Variants in PTPRZ1 observed in about 807,000 individuals in gnomAD.
PTPRZ1 encodes the protein receptor-type tyrosine-protein phosphatase zeta.
Under a neutral mutation model 214.1 loss-of-function variants are expected in PTPRZ1, and 82 were observed. That is an observed-to-expected ratio of 0.38 (90% confidence interval 0.32 to 0.46). The LOEUF (loss-of-function observed/expected upper bound fraction) is 0.46, where lower values mean the gene tolerates loss of function less well. PTPRZ1 is among the 20% of genes least tolerant of loss of function. The pLI is 1.00. For synonymous variants in PTPRZ1, 945 were observed against 987.9 expected (o/e 0.96, Z 0.81); for missense variants, 2,603 against 2,748.7 (o/e 0.95, Z 1.19).
chr7:121,920,869 T>A (rs1327819954), intron 1 of PTPRZ1, among the ~76,000 whole-genome samples: 2 of 152,118 alleles, frequency 1.3e-5, no homozygotes, highest in Non-Finnish European at 2.9e-5. Flanking sequence ...ATAATATTTA[T>A]TAAATTGAGA....
intron 8 of PTPRZ1, 93 bp downstream of exon 8, chr7:121,984,210 C>A: frequency 9.0e-7 from 1 of 1,115,410 alleles, no homozygotes; most frequent in Non-Finnish European, 1.2e-6. Context: ...GGACTTAGAG[C>A]TTTAGAAATG....
chr7:122,044,695 G>A (rs757514647), intron 23 of PTPRZ1, 127 bp downstream of exon 23: 33 of 978,824 alleles, frequency 3.4e-5, no homozygotes, highest in Admixed American at 1.9e-4. Flanking sequence ...TTGAGCCATC[G>A]TTGTTCCTTA....
intron 2 of PTPRZ1, among the ~76,000 whole-genome samples, chr7:121,944,083 G>C (rs749632514): frequency 3.3e-5 from 5 of 152,104 alleles, no homozygotes; most frequent in Non-Finnish European, 5.9e-5. Flanking sequence ...TAAGTTTTTG[G>C]ACAATTTTTA....
chr7:121,965,788 G>T (rs1303433156), intron 2 of PTPRZ1, among the ~76,000 whole-genome samples: 1 of 152,172 alleles, frequency 6.6e-6, no homozygotes, highest in Non-Finnish European at 1.5e-5. Flanking sequence ...ATTGTGAAAG[G>T]AGCAAGAGAA....
intron 2 of PTPRZ1, among the ~76,000 whole-genome samples, chr7:121,950,016 C>T (rs1196489): frequency 6.0e-4 from 92 of 152,234 alleles, no homozygotes; most frequent in African/African-American, 1.8e-3. Flanking sequence ...GACATACCCG[C>T]GACTAAGCAA....
At chr7:121,943,730 T>G (rs1305532412) in intron 2 of PTPRZ1, among the ~76,000 whole-genome samples, 1 of 152,220 alleles carries the variant, frequency 6.6e-6, no homozygotes, top group Non-Finnish European at 1.5e-5. Flanking sequence ...TGGTCCTGAT[T>G]TTCAGAGTTT....
At chr7:122,014,120 A>G (rs1038665951) in intron 12 of PTPRZ1, among the ~76,000 whole-genome samples, 1 of 152,148 alleles carries the variant, frequency 6.6e-6, no homozygotes, top group African/African-American at 2.4e-5. Context: ...AATAGACAAA[A>G]CAATTTTTAT....
chr7:122,020,861 C>T (rs967407467), intron 13 of PTPRZ1, among the ~76,000 whole-genome samples: 1 of 151,854 alleles, frequency 6.6e-6, no homozygotes, highest in East Asian at 1.9e-4. Flanking sequence ...TCATGCTTAG[C>T]AGAGTGCTTT....
At chr7:121,938,496 A>G in intron 2 of PTPRZ1, among the ~76,000 whole-genome samples, 1 of 152,236 alleles carries the variant, frequency 6.6e-6, no homozygotes, top group East Asian at 1.9e-4. Context: ...TAGCTTTACA[A>G]GTTGGAGCCA....
At chr7:121,960,699 G>A (rs1322666375) in intron 2 of PTPRZ1, among the ~76,000 whole-genome samples, 1 of 152,058 alleles carries the variant, frequency 6.6e-6, no homozygotes, top group African/African-American at 2.4e-5. Flanking sequence ...TATTTCATCT[G>A]CATAATTTAA....
intron 29 of PTPRZ1, 106 bp from the exon 30 acceptor site, chr7:122,060,974 C>A: frequency 1.8e-6 from 2 of 1,084,098 alleles, no homozygotes; most frequent in Non-Finnish European, 1.3e-6. Flanking sequence ...AACACATTGC[C>A]CTTTCATGAA....
chr7:121,949,172 T>A (rs1796476249), intron 2 of PTPRZ1, among the ~76,000 whole-genome samples: 1 of 152,064 alleles, frequency 6.6e-6, no homozygotes, highest in South Asian at 2.1e-4. Flanking sequence ...GGCTTCTAGG[T>A]CATAGGTAGA....
intron 8 of PTPRZ1, among the ~76,000 whole-genome samples, chr7:121,987,667 A>T (rs897923884): frequency 6.6e-6 from 1 of 152,154 alleles, no homozygotes; most frequent in African/African-American, 2.4e-5. Context: ...AGTGATGGTG[A>T]GTAGTTTTTC....
intron 1 of PTPRZ1, among the ~76,000 whole-genome samples, chr7:121,905,945 T>C (rs1022465944): frequency 1.3e-5 from 2 of 152,318 alleles, no homozygotes; most frequent in South Asian, 2.1e-4. Flanking sequence ...CAAGTAGGTT[T>C]ATTTCTATTT....
chr7:122,017,495 T>C (rs1357633577), intron 12 of PTPRZ1, among the ~76,000 whole-genome samples: 1 of 151,964 alleles, frequency 6.6e-6, no homozygotes, highest in African/African-American at 2.4e-5. Context: ...AGACCAAACA[T>C]CTTGGGAAGT....
intron 2 of PTPRZ1, among the ~76,000 whole-genome samples, chr7:121,930,248 A>G (rs1164201906): frequency 6.6e-6 from 1 of 152,172 alleles, no homozygotes; most frequent in Non-Finnish European, 1.5e-5. Context: ...CTATTAATTT[A>G]CTCATTTATA....
intron 1 of PTPRZ1, among the ~76,000 whole-genome samples, chr7:121,903,648 C>T (rs951499683): frequency 6.6e-6 from 1 of 152,126 alleles, no homozygotes. Flanking sequence ...CAATGGCATT[C>T]TTTGTGCTTT....
chr7:121,892,343 G>A (rs1477052652), intron 1 of PTPRZ1, among the ~76,000 whole-genome samples: 4 of 151,910 alleles, frequency 2.6e-5, no homozygotes, highest in Non-Finnish European at 4.4e-5. Flanking sequence ...AGAAAAGAAC[G>A]GAAAGTTCCA....
rs777676863 is a variant in PTPRZ1 at position 122,028,633 on chromosome 7, T to C, written c.5070T>C (p.Phe1690=). 4.6e-6 allele frequency: 7 copies of C among 1,531,382 alleles called. No individual in the cohort carries two copies. The South Asian group carries it at 7.8e-5, about 17-fold the overall frequency. 94.9% of individuals were successfully genotyped at this position (1,531,382 alleles called of 1,614,324 possible). Residue 1690 remains phenylalanine, a synonymous_variant, in exon 14 of 30, where the codon TTT becomes TTC. Transcript: ENST00000393386. ...RVISTPPTPI[F]PISDDVGAIP... ...TATCCACACCTCCAACACCTATCTT[T>C]CCAATTTCAGGTAATGGCTTAAAGT...
Sources: allele counts gnomAD v4.1 joint callset (sites outside exome capture counted in the v4.1 genomes callset), GRCh38; gene constraint gnomAD v4.1.1; transcripts MANE v1.5; gene names NCBI Gene and HGNC (gene_info 2026-07-23, HGNC 2026-07-21).